Variants in AIM2 observed in about 807,000 individuals in gnomAD.
AIM2 encodes the protein interferon-inducible protein AIM2.
A neutral mutation model predicts 27.7 loss-of-function variants in AIM2; 30 were observed. That is an observed-to-expected ratio of 1.08 (90% CI 0.81 to 1.47). The LOEUF is 1.47. AIM2 is among the 40% of genes most tolerant of loss of function. The pLI is 0.00. For missense variants in AIM2, 358 were observed against 411.3 expected (o/e 0.87, Z 1.12); for synonymous variants, 141 against 145.3 (o/e 0.97, Z 0.21).
chr1:159,065,129 C>T (rs1488851118), intron 4 of AIM2, among the ~76,000 whole-genome samples: 1 of 152,172 alleles, frequency 6.6e-6, no homozygotes, highest in East Asian at 1.9e-4. Context: ...GCTCTGAATG[C>T]AGGGGCAGCA....
At chr1:159,142,067 C>A (rs532105447), upstream of AIM2, among the ~76,000 whole-genome samples, 33 of 152,318 alleles carry the variant, frequency 2.2e-4, no homozygotes, top group Admixed American at 7.8e-4. Context: ...CCTCCACCCC[C>A]ACTCCCTCAC....
chr1:159,122,072 G>T (rs909583433), intron 1 of AIM2, among the ~76,000 whole-genome samples: 2 of 152,120 alleles, frequency 1.3e-5, no homozygotes, highest in African/African-American at 4.8e-5. Flanking sequence ...AGAGTAAAGG[G>T]TACAGATCAA....
chr1:159,076,253 C>T (rs1002833560), intron 1 of AIM2, among the ~76,000 whole-genome samples: 4 of 152,190 alleles, frequency 2.6e-5, no homozygotes, highest in Non-Finnish European at 4.4e-5. Flanking sequence ...ATTTTAATCA[C>T]ATTTTATGTG....
Position 159,135,475 on chromosome 1 carries a change from C to T in AIM2, c.-16+4956G>A, listed in dbSNP as rs570282381. ...AATCTAGAATGTAGCATAAAGTCTA[C>T]GACTTCAGAGAAATGCTGTGCTTAG... On this transcript the variant is annotated intron_variant, in intron 1 of 2. Coordinates refer to the AIM2 transcript ENST00000368129. 3.1e-4 allele frequency among the ~76,000 whole-genome samples: 47 copies of T among 152,234 alleles called. No homozygotes were observed. The South Asian group carries it at 5.0e-3, about 16-fold the overall frequency.
rs554265364 is a variant in AIM2 at position 159,086,510 on chromosome 1, TC to T, written c.-15-20182del. Among the ~76,000 whole-genome samples, 294 of 152,286 alleles carry T rather than the reference TC, an allele frequency of 1.9e-3. 1 individual carries two copies. The highest frequency in any genetic ancestry group is 0.01 in the Middle Eastern group (3 of 294). On this transcript the variant is annotated intron_variant, in intron 1 of 2. Coordinates refer to the AIM2 transcript ENST00000368129. ...CACATACCTCGCCCTCTACTTCTCC[TC>T]CCCCATCTGGCTAATTCTTACTCAC...
intron 1 of AIM2, among the ~76,000 whole-genome samples, chr1:159,113,887 C>A (rs761524862): frequency 3.2e-4 from 48 of 152,174 alleles, no homozygotes; most frequent in Non-Finnish European, 5.4e-4. Flanking sequence ...GCTATTTTCA[C>A]TTAGAAACTT....
intron 1 of AIM2, among the ~76,000 whole-genome samples, chr1:159,125,993 G>A (rs1647675185): frequency 6.6e-6 from 1 of 152,144 alleles, no homozygotes; most frequent in African/African-American, 2.4e-5. Flanking sequence ...CAGGAATTCT[G>A]AGCAAAACAT....
chr1:159,089,411 T>C (rs1656997266), intron 1 of AIM2, among the ~76,000 whole-genome samples: 1 of 152,102 alleles, frequency 6.6e-6, no homozygotes, highest in African/African-American at 2.4e-5. Context: ...GATGAAGAAG[T>C]TCAACTCCAT....
chr1:159,106,117 C>G (rs1045523657), intron 1 of AIM2, among the ~76,000 whole-genome samples: 2 of 152,174 alleles, frequency 1.3e-5, no homozygotes, highest in Non-Finnish European at 2.9e-5. Flanking sequence ...TGAGAGCAGG[C>G]ACTTCTGAGA....
chr1:159,138,901 T>G (rs1372061400), intron 1 of AIM2, among the ~76,000 whole-genome samples: 2 of 152,256 alleles, frequency 1.3e-5, no homozygotes, highest in African/African-American at 2.4e-5. Context: ...TACAGTGAAG[T>G]GACTTCATAA....
chr1:159,069,047 C>A (rs1656241889), intron 2 of AIM2, among the ~76,000 whole-genome samples: 1 of 151,064 alleles, frequency 6.6e-6, no homozygotes, highest in Non-Finnish European at 1.5e-5. Flanking sequence ...GAGGCTGAGG[C>A]AAGGATAACT....
At chr1:159,084,920 C>T (rs1656871267) in intron 1 of AIM2, among the ~76,000 whole-genome samples, 1 of 152,042 alleles carries the variant, frequency 6.6e-6, no homozygotes, top group South Asian at 2.1e-4. Flanking sequence ...GTGTTTCCCA[C>T]ACCTTCTCCC....
chr1:159,113,387 C>T (rs74519511), intron 1 of AIM2, among the ~76,000 whole-genome samples: 19,259 of 152,144 alleles, frequency 0.13, 1,504 homozygotes, highest in Non-Finnish European at 0.17. Flanking sequence ...ATTAAGATAC[C>T]TGGAGACCAA....
intron 1 of AIM2, among the ~76,000 whole-genome samples, chr1:159,083,806 T>C (rs1235103253): frequency 6.6e-6 from 1 of 152,170 alleles, no homozygotes; most frequent in Non-Finnish European, 1.5e-5. Context: ...AGAAAAACAA[T>C]AGCACTTGGA....
intron 1 of AIM2, chr1:159,132,155 C>G (rs1327959942): frequency 6.7e-6 from 1 of 149,532 alleles, no homozygotes; most frequent in Non-Finnish European, 1.5e-5. Flanking sequence ...CAAGACCATC[C>G]TGGCCAACAT....
chr1:159,122,784 G>C (rs1371192156), intron 1 of AIM2, among the ~76,000 whole-genome samples: 1 of 152,084 alleles, frequency 6.6e-6, no homozygotes, highest in East Asian at 1.9e-4. Context: ...TCTCTTGATA[G>C]GCATTTACTA....
intron 1 of AIM2, among the ~76,000 whole-genome samples, chr1:159,075,574 C>CACAT (rs1553215635): frequency 8.0e-4 from 87 of 109,206 alleles, no homozygotes; most frequent in East Asian, 4.0e-3. Context: ...CACACACACA[C>CACAT]ATATATATAT....
In AIM2 at chr1:159,066,049, C is replaced by A. The variant is rs369765206; in HGVS notation, c.677G>T (p.Arg226Leu). 8.1e-5 allele frequency: 130 copies of A among 1,614,008 alleles called. No individual in the cohort carries two copies. Among genetic ancestry groups the A allele is most frequent in the Non-Finnish European group, 1.1e-4 (124 of 1,180,036 alleles). Reference sequence around the variant, plus strand: ...TTGGTCAGATTCAGCATCTAACACACGTGAGGCGCTATTTACCTCTAAGAA... The same window carrying A: ...TTGGTCAGATTCAGCATCTAACACAAGTGAGGCGCTATTTACCTCTAAGAA... ...SGFLEVNSAS[R>L]VLDAESDQKV... Residue 226 changes from arginine to leucine, a missense_variant, in exon 4 of 6, where the codon CGT (arginine) becomes CTT (leucine). Transcript: ENST00000368130.
At chr1:159,107,405 G>T (rs948198703) in intron 1 of AIM2, among the ~76,000 whole-genome samples, 2 of 152,048 alleles carry the variant, frequency 1.3e-5, no homozygotes, top group African/African-American at 2.4e-5. Flanking sequence ...GACTGCAGGG[G>T]GGAGTGGATA....
Sources: gnomAD v4.1 joint callset for allele counts (sites outside exome capture counted in the v4.1 genomes callset) on GRCh38, gnomAD v4.1.1 for gene constraint, MANE v1.5 for transcripts, NCBI Gene and HGNC (gene_info 2026-07-23, HGNC 2026-07-21) for gene names.